Variants in ZDHHC6 observed in about 807,000 individuals in gnomAD.
ZDHHC6 encodes the protein palmitoyltransferase ZDHHC6.
Under a neutral mutation model 57.8 loss-of-function variants are expected in ZDHHC6, and 32 were observed. The ratio of observed to expected loss-of-function variants is 0.55; its 90% CI spans 0.42 to 0.74. The LOEUF is 0.74. Among genes scored for constraint, ZDHHC6 ranks in the 30% least tolerant of loss-of-function variants. ZDHHC6 has a pLI of 0.00. For synonymous variants in ZDHHC6, 128 were observed against 158.0 expected, an observed-to-expected ratio of 0.81 and a Z score of 1.42; for missense variants, 433 against 500.7, an observed-to-expected ratio of 0.86 and a Z score of 1.29.
intron 8 of ZDHHC6, 82 bp from the exon 9 acceptor site, chr10:112,432,603 A>G (rs2133769768): frequency 6.6e-7 from 1 of 1,515,658 alleles, no homozygotes; most frequent in Non-Finnish European, 8.9e-7. Context: ...ATTTTAAAGC[A>G]AGATCCAAAA....
chr10:112,440,503 A>T (rs1846000264), intron 5 of ZDHHC6, 31 bp downstream of exon 5: 1 of 1,596,142 alleles, frequency 6.3e-7, no homozygotes, highest in East Asian at 2.2e-5. Context: ...ACAACTTGAC[A>T]CTTTTGACTT....
chr10:112,427,186 T>C, downstream of ZDHHC6: 1 of 1,586,830 alleles, frequency 6.3e-7, no homozygotes, highest in Non-Finnish European at 8.6e-7. Flanking sequence ...AAATCACTAA[T>C]GAGCATGGAT....
rs1846375298 is a variant in ZDHHC6 at position 112,443,716 on chromosome 10, CT to C, written c.268-111del. ...CGATAGGGGAAGGAGAGAATCTTAA[CT>C]TGCATTTCCAGTCCTCTTATTTGAG... is the stretch of plus-strand genomic sequence containing the variant. On this transcript the variant is annotated intron_variant, in intron 2 of 10. Transcript: ENST00000369405. The C allele has an allele frequency of 1.4e-5, 11 of 762,304 alleles. No individual in the cohort carries two copies. The South Asian group carries it at 2.1e-4, about 15-fold the overall frequency. 47.2% of individuals were successfully genotyped at this position (762,304 alleles called of 1,614,324 possible).
At chr10:112,431,052 G>C in intron 10 of ZDHHC6, 145 bp from the exon 11 acceptor site, 1 of 660,458 alleles carries the variant, frequency 1.5e-6, no homozygotes, top group South Asian at 2.2e-5. Flanking sequence ...AGCACAGTTT[G>C]AAGGGGAAAA....
At chr10:112,431,897 A>G (rs1845075062) in intron 10 of ZDHHC6, among the ~76,000 whole-genome samples, 1 of 152,180 alleles carries the variant, frequency 6.6e-6, no homozygotes, top group Non-Finnish European at 1.5e-5. Flanking sequence ...GTGCATAGCT[A>G]TGGGCAAGTT....
At chr10:112,428,861 G>C (rs1844843343), downstream of ZDHHC6, among the ~76,000 whole-genome samples, 1 of 152,128 alleles carries the variant, frequency 6.6e-6, no homozygotes, top group African/African-American at 2.4e-5. Context: ...TACAGCCTGG[G>C]CACTGAGATT....
chr10:112,439,669 A>AAAAAAAAAAAAAAAAAAAAAAAAT (rs757796332), intron 5 of ZDHHC6, among the ~76,000 whole-genome samples: 4 of 108,562 alleles, frequency 3.7e-5, no homozygotes, highest in South Asian at 3.1e-4. Flanking sequence ...AAAAAAAAAA[A>AAAAAAAAAAAAAAAAAAAAAAAAT]GAATGAAAAA....
intron 2 of ZDHHC6, 85 bp downstream of exon 2, chr10:112,445,085 G>C: frequency 6.9e-7 from 1 of 1,450,110 alleles, no homozygotes; most frequent in Non-Finnish European, 9.3e-7. Flanking sequence ...AGTAGGCTGT[G>C]TTTGGTATTA....
At chr10:112,434,983 G>GT (rs1845386522) in intron 6 of ZDHHC6, among the ~76,000 whole-genome samples, 1 of 152,228 alleles carries the variant, frequency 6.6e-6, no homozygotes, top group Non-Finnish European at 1.5e-5. Context: ...CAGGAAAGGT[G>GT]TAACAGGAGA....
At chr10:112,433,169 TA>T in intron 8 of ZDHHC6, 70 bp downstream of exon 8, 7 of 1,292,170 alleles carry the variant, frequency 5.4e-6, no homozygotes, top group Admixed American at 2.7e-5. Flanking sequence ...GTCAGTCAAT[TA>T]AAAAAACTGT....
chr10:112,444,756 T>C (rs1846472195), intron 2 of ZDHHC6, among the ~76,000 whole-genome samples: 1 of 152,208 alleles, frequency 6.6e-6, no homozygotes, highest in Admixed American at 6.5e-5. Context: ...GTGCAATGAT[T>C]TTAAAACTTT....
rs1427467011 is a variant in ZDHHC6 at position 112,433,289 on chromosome 10, G to A, written c.904-8C>T. The A allele has an allele frequency of 6.4e-7, 1 of 1,557,728 alleles. No individual in the cohort carries two copies. The highest frequency in any genetic ancestry group is 1.4e-5 in the African/African-American group (1 of 70,686). On this transcript the variant is annotated splice_region_variant and splice_polypyrimidine_tract_variant and intron_variant, in intron 7 of 10. Transcript: ENST00000369405. Reference sequence around the variant, plus strand: ...TTGTTTCAACTGTTCTATCTGTTTGGAAGAAATAAAAAGAAAAAAATGAAG... The same window carrying A: ...TTGTTTCAACTGTTCTATCTGTTTGAAAGAAATAAAAAGAAAAAAATGAAG...
chr10:112,433,372 C>T (rs1414732267), intron 7 of ZDHHC6, 91 bp from the exon 8 acceptor site: 1 of 1,027,162 alleles, frequency 9.7e-7, no homozygotes, highest in Non-Finnish European at 1.4e-6. Context: ...AGTGATATGG[C>T]AAAACCCCAA....
At position 112,432,224 on chromosome 10, in the gene ZDHHC6, C is replaced by A; in HGVS notation, c.1138+16G>T. The stretch of plus-strand genomic sequence containing the variant: ...TAATAGTCTTGTCCTTTAAACATGC[C>A]CTTCCATTTCCATACCTTCTATAAA... On this transcript the variant is annotated intron_variant, in intron 10 of 10. Transcript: ENST00000369405. 1 of 1,591,164 alleles carries A rather than the reference C, an allele frequency of 6.3e-7. No homozygotes were observed. Among genetic ancestry groups the A allele is most frequent in the Admixed American group, 1.9e-5 (1 of 53,464 alleles).
chr10:112,424,645 T>C (rs1359528994), exon 12 of ZDHHC6: 2 of 152,262 alleles, frequency 1.3e-5, no homozygotes, highest in Non-Finnish European at 2.9e-5. Context: ...GGCCTTGTGA[T>C]AGTTCCAGTG....
chr10:112,431,308 T>C (rs187355059), intron 10 of ZDHHC6, among the ~76,000 whole-genome samples: 9 of 152,198 alleles, frequency 5.9e-5, no homozygotes, highest in Non-Finnish European at 1.2e-4. Context: ...TTCTAACATA[T>C]ATATTTCTTT....
At chr10:112,443,406 T>G in intron 3 of ZDHHC6, 109 bp downstream of exon 3, 2 of 848,222 alleles carry the variant, frequency 2.4e-6, no homozygotes, top group Non-Finnish European at 3.7e-6. Context: ...TTGTTTATAA[T>G]ATGGTAACCT....
At chr10:112,447,323 G>A, upstream of ZDHHC6, 1 of 1,581,024 alleles carries the variant, frequency 6.3e-7, no homozygotes, top group Non-Finnish European at 8.6e-7. Context: ...GCCCCTCGAG[G>A]CCCTTTCCCT....
At chr10:112,435,286 AT>A (rs1845418155) in intron 6 of ZDHHC6, among the ~76,000 whole-genome samples, 1 of 152,176 alleles carries the variant, frequency 6.6e-6, no homozygotes. Context: ...AATTTGTTGT[AT>A]ATAGTGTCTG....
Sources: gnomAD v4.1 joint callset for allele counts (sites outside exome capture counted in the v4.1 genomes callset) on GRCh38, gnomAD v4.1.1 for gene constraint, MANE v1.5 for transcripts, NCBI Gene and HGNC (gene_info 2026-07-23, HGNC 2026-07-21) for gene names.